KATNAL2: variants seen among roughly 807,000 people sequenced by gnomAD.
KATNAL2 encodes katanin catalytic subunit A1 like 2.
A neutral mutation model predicts 76.3 loss-of-function variants in KATNAL2; 52 were observed. That is an observed-to-expected ratio of 0.68 (90% CI 0.55 to 0.86). KATNAL2 has a LOEUF of 0.86. Ranked by LOEUF, KATNAL2 falls within the 40% of genes least tolerant of loss-of-function variation. KATNAL2 has a pLI of 0.00. For synonymous variants in KATNAL2, 243 were observed against 244.2 expected, an observed-to-expected ratio of 1.00 and a Z score of 0.05; for missense variants, 660 against 668.9, an observed-to-expected ratio of 0.99 and a Z score of 0.15.
chr18:46,946,550 C>G lies in KATNAL2; in HGVS notation c.-20+4C>G, dbSNP rs1056656743. The G allele has an allele frequency of 2.3e-5, 23 of 985,346 alleles. No individual in the cohort carries two copies. The African/African-American group carries it at 3.7e-4, about 16-fold the overall frequency. 61.0% of individuals were successfully genotyped at this position (985,346 alleles called of 1,614,324 possible). On this transcript the variant is annotated splice_donor_region_variant and intron_variant, in intron 2 of 17. Coordinates refer to ENST00000683218, the MANE Select transcript of KATNAL2 (RefSeq NM_001387690.1). ...GAAATCAAGGACAAATATTATGGTA[C>G]ATGGCCCTGGGTCAGCTTGTATTTT... is the stretch of plus-strand genomic sequence containing the variant.
In KATNAL2 at chr18:47,033,035, G is replaced by T. The variant is rs767897500; in HGVS notation, c.52-13422G>T. 3.1e-6 allele frequency: 5 copies of T among 1,614,118 alleles called. No homozygotes were observed. The South Asian group carries it at 4.4e-5, about 14-fold the overall frequency. ...CGGGAGAATCTTCTCTTGTAGTCTCGAATTGCCTTGGCCATCAGCGGGGCC... is the reference window on the plus strand; with the variant it reads ...CGGGAGAATCTTCTCTTGTAGTCTCTAATTGCCTTGGCCATCAGCGGGGCC... On this transcript the variant is annotated intron_variant, in intron 3 of 17. Transcript: ENST00000683218.
chr18:47,076,680 A>G (rs1328694304), intron 14 of KATNAL2: 1 of 152,050 alleles, frequency 6.6e-6, no homozygotes, highest in East Asian at 1.9e-4. Context: ...TGCTCTGAAG[A>G]CTTCGATAAT....
At position 47,044,535 on chromosome 18, in the gene KATNAL2, G is replaced by A. The variant is rs186213994; in HGVS notation, c.52-1922G>A. Among the ~76,000 whole-genome samples the A allele has an allele frequency of 2.6e-5, 4 of 152,062 alleles. No individual in the cohort carries two copies. In the East Asian group the frequency reaches 7.8e-4, roughly 29 times the overall value. On this transcript the variant is annotated intron_variant, in intron 3 of 17. Coordinates refer to ENST00000683218, the MANE Select transcript of KATNAL2 (RefSeq NM_001387690.1). ...GCACTTTGGGAGGCCGAAGCAGGCG[G>A]ATCATCTGAAGTCAGGAGTTCGAGA...
At chr18:46,938,277 A>G (rs1365933314) in intron 1 of KATNAL2, among the ~76,000 whole-genome samples, 1 of 152,210 alleles carries the variant, frequency 6.6e-6, no homozygotes, top group African/African-American at 2.4e-5. Flanking sequence ...ATATATACAT[A>G]TGTGATAAAA....
chr18:47,098,999 C>G, intron 15 of KATNAL2: 1 of 370,810 alleles, frequency 2.7e-6, no homozygotes, highest in Non-Finnish European at 4.8e-6. Flanking sequence ...ATCCTTCCTT[C>G]CTTCTCTTTC....
chr18:46,948,322 G>T (rs1261959652), intron 3 of KATNAL2, among the ~76,000 whole-genome samples: 1 of 151,226 alleles, frequency 6.6e-6, no homozygotes, highest in Non-Finnish European at 1.5e-5. Flanking sequence ...ATGTTGCCCA[G>T]TTTGGTCTCG....
At chr18:47,078,536 G>C (rs1011033417) in intron 15 of KATNAL2, among the ~76,000 whole-genome samples, 1 of 152,134 alleles carries the variant, frequency 6.6e-6, no homozygotes, top group African/African-American at 2.4e-5. Context: ...TGTGATTGTG[G>C]AAACTTTTAG....
At chr18:47,089,020 T>C (rs1203626094) in intron 15 of KATNAL2, among the ~76,000 whole-genome samples, 1 of 152,342 alleles carries the variant, frequency 6.6e-6, no homozygotes, top group East Asian at 1.9e-4. Flanking sequence ...ATAGTAGGCA[T>C]GCACCCTTCA....
chr18:46,925,619 C>T (rs2058704351), intron 1 of KATNAL2, among the ~76,000 whole-genome samples: 2 of 152,116 alleles, frequency 1.3e-5, no homozygotes, highest in African/African-American at 2.4e-5. Context: ...TGGAGGATTC[C>T]CTCTTTTTCT....
At chr18:47,034,855 G>T in intron 3 of KATNAL2, 1 of 1,612,130 alleles carries the variant, frequency 6.2e-7, no homozygotes. Flanking sequence ...CTGTTGCCCC[G>T]GAGGTGTTCT....
At chr18:47,070,629 T>C (rs1380098846) in intron 13 of KATNAL2, among the ~76,000 whole-genome samples, 1 of 152,206 alleles carries the variant, frequency 6.6e-6, no homozygotes, top group Non-Finnish European at 1.5e-5. Context: ...TATTACGTAT[T>C]TTCTGAAAAG....
chr18:46,938,038 G>A (rs2059142651), intron 1 of KATNAL2, among the ~76,000 whole-genome samples: 1 of 152,014 alleles, frequency 6.6e-6, no homozygotes, highest in African/African-American at 2.4e-5. Flanking sequence ...TGAGGCTGCA[G>A]TGAGCCATGT....
intron 3 of KATNAL2, among the ~76,000 whole-genome samples, chr18:46,967,915 C>T (rs2146859019): frequency 8.4e-6 from 1 of 118,748 alleles, no homozygotes; most frequent in South Asian, 2.6e-4. Context: ...TCCAGGAGTT[C>T]CTTTCTTCAG....
chr18:46,932,673 CAA>C (rs1162695359), intron 1 of KATNAL2, among the ~76,000 whole-genome samples: 102 of 42,848 alleles, frequency 2.4e-3, no homozygotes, highest in East Asian at 0.017. Flanking sequence ...GACTCTGTCT[CAA>C]AAAAAAAAAA....
In KATNAL2 at chr18:47,069,595, G is replaced by A. The variant is rs200886050; in HGVS notation, c.1003G>A (p.Val335Ile). 3.2e-5 allele frequency: 51 copies of A among 1,602,914 alleles called. No homozygotes were observed. The highest frequency in any genetic ancestry group is 1.7e-4 in the Middle Eastern group (1 of 6,030). The change falls in exon 13 of 18, where the codon GTT (valine) becomes ATT (isoleucine). Residue 335 changes from valine to isoleucine, a missense_variant. By Grantham distance (29) the Val-to-Ile change is conservative (BLOSUM62 3). Transcript: ENST00000683218. ...ATGGAGAGGGGATTCAGAAAAACTCGTTCGGGTAGGAATTCTTAATTTTGT... is the reference window on the plus strand; with the variant it reads ...ATGGAGAGGGGATTCAGAAAAACTCATTCGGGTAGGAATTCTTAATTTTGT... Reference protein sequence around the residue: ...SKWRGDSEKLVRVLFELARYH... With the variant: ...SKWRGDSEKLIRVLFELARYH...
chr18:46,944,618 C>T (rs2059334817), intron 1 of KATNAL2, among the ~76,000 whole-genome samples: 1 of 152,116 alleles, frequency 6.6e-6, no homozygotes, highest in South Asian at 2.1e-4. Flanking sequence ...GCCTGTAATC[C>T]CAGCTACTCA....
intron 1 of KATNAL2, among the ~76,000 whole-genome samples, chr18:46,932,145 T>G (rs2058944571): frequency 6.6e-6 from 1 of 152,016 alleles, no homozygotes; most frequent in Non-Finnish European, 1.5e-5. Flanking sequence ...TCTCCTGACC[T>G]CGTGATCCGC....
At chr18:46,924,528 C>A (rs990724430) in intron 1 of KATNAL2, among the ~76,000 whole-genome samples, 5 of 152,100 alleles carry the variant, frequency 3.3e-5, no homozygotes, top group African/African-American at 1.2e-4. Context: ...CAGCTTTGTT[C>A]TTTTGGCTTA....
rs1330158638 is a variant in KATNAL2, at chr18:46,962,252, C to T, written c.51+15329C>T. ...CTGGGCTGCAGCGATCTGCTTTCCT[C>T]GGCCTCCCAGAGGAGGATGGCCGAC... On this transcript the variant is annotated intron_variant, in intron 3 of 17. Coordinates refer to ENST00000683218, the MANE Select transcript of KATNAL2 (RefSeq NM_001387690.1). Among the ~76,000 whole-genome samples the T allele has an allele frequency of 1.0e-3, 141 of 135,010 alleles. 2 individuals are homozygous for T. The highest frequency in any genetic ancestry group is 1.7e-3 in the Non-Finnish European group (112 of 65,750). 88.6% of individuals were successfully genotyped at this position (135,010 alleles called of 152,430 possible).
Sources: gnomAD v4.1 joint callset for allele counts (sites outside exome capture counted in the v4.1 genomes callset) on GRCh38, gnomAD v4.1.1 for gene constraint, MANE v1.5 for transcripts, NCBI Gene and HGNC (gene_info 2026-07-23, HGNC 2026-07-21) for gene names.